The following GADL1 variants were observed in gnomAD, a reference collection of about 807,000 sequenced individuals.
GADL1 encodes the protein acidic amino acid decarboxylase GADL1.
A neutral mutation model predicts 69.5 loss-of-function variants in GADL1; 71 were observed. The ratio of observed to expected loss-of-function variants is 1.02; its 90% CI spans 0.84 to 1.25. The LOEUF is 1.25. GADL1 is among the 50% of genes most tolerant of loss of function. The pLI is 0.00. For synonymous variants in GADL1, 254 were observed against 214.4 expected (o/e 1.18, Z -1.62); for missense variants, 737 against 631.8 (o/e 1.17, Z -1.79).
chr3:30,829,188 T>A (rs1264033591), intron 11 of GADL1, among the ~76,000 whole-genome samples: 1 of 151,870 alleles, frequency 6.6e-6, no homozygotes, highest in East Asian at 1.9e-4. Context: ...AATCACAGGT[T>A]TTTTTTAAAA....
chr3:30,783,707 A>G (rs1189427972), intron 13 of GADL1, among the ~76,000 whole-genome samples: 1 of 152,142 alleles, frequency 6.6e-6, no homozygotes, highest in Non-Finnish European at 1.5e-5. Flanking sequence ...ATTCTGGAAA[A>G]CCATTTAGAA....
intron 11 of GADL1, among the ~76,000 whole-genome samples, chr3:30,811,710 TAAA>T (rs1697359160): frequency 6.6e-6 from 1 of 152,132 alleles, no homozygotes; most frequent in Non-Finnish European, 1.5e-5. Context: ...AGGAAAAAAA[TAAA>T]AAGCTGGCAT....
At chr3:30,754,860 A>AT (rs10687426) in intron 14 of GADL1, among the ~76,000 whole-genome samples, 37,169 of 151,812 alleles carry the variant, frequency 0.24, 4,986 homozygotes, top group Non-Finnish European at 0.29. Flanking sequence ...CAGGGCACTG[A>AT]TTTTTTTTCT....
At chr3:30,753,444 ATTT>A (rs936961255) in intron 14 of GADL1, among the ~76,000 whole-genome samples, 2 of 152,008 alleles carry the variant, frequency 1.3e-5, no homozygotes, top group African/African-American at 4.8e-5. Flanking sequence ...TTATTTTTTA[ATTT>A]TTAGGAAAAA....
At position 30,824,548 on chromosome 3, in the gene GADL1, A is replaced by G. The variant is rs760739152; in HGVS notation, c.1050+9305T>C. On this transcript the variant is annotated intron_variant, in intron 11 of 14. Coordinates refer to ENST00000282538, the MANE Select transcript of GADL1 (RefSeq NM_207359.3). ...AAAAGCCTTGAAATAAATGCCCGTC[A>G]ACAATAGAATGAATAAGGAAATTGT... is the stretch of plus-strand genomic sequence containing the variant. Among the ~76,000 whole-genome samples, 41 of 151,872 alleles carry G rather than the reference A, an allele frequency of 2.7e-4. 3 individuals carry two copies. In the South Asian group the frequency reaches 3.7e-3, roughly 14 times the overall value.
chr3:30,750,598 C>A (rs1695793672), intron 14 of GADL1, among the ~76,000 whole-genome samples: 1 of 151,990 alleles, frequency 6.6e-6, no homozygotes, highest in Non-Finnish European at 1.5e-5. Context: ...GATGCAAACG[C>A]CCACTGTATA....
chr3:30,870,568 T>C (rs1470819318), intron 1 of GADL1, among the ~76,000 whole-genome samples: 1 of 151,696 alleles, frequency 6.6e-6, no homozygotes, highest in Admixed American at 6.6e-5. Flanking sequence ...ATGAACTGGC[T>C]TACATTTATG....
intron 1 of GADL1, among the ~76,000 whole-genome samples, chr3:30,880,699 G>C (rs1438814810): frequency 6.6e-6 from 1 of 151,872 alleles, no homozygotes; most frequent in African/African-American, 2.4e-5. Context: ...AAGGAATTGA[G>C]CATCTTGTGG....
intron 11 of GADL1, among the ~76,000 whole-genome samples, chr3:30,832,901 C>G (rs1697815307): frequency 7.5e-6 from 1 of 133,040 alleles, no homozygotes; most frequent in South Asian, 2.5e-4. Context: ...AAAACCTGTT[C>G]CTAGTTTCTG....
intron 12 of GADL1, among the ~76,000 whole-genome samples, chr3:30,795,793 T>C (rs1697019634): frequency 6.6e-6 from 1 of 152,184 alleles, no homozygotes; most frequent in Non-Finnish European, 1.5e-5. Context: ...TTCCTTGGCA[T>C]TGGAGGTAGA....
chr3:30,787,265 C>A (rs1389439965), intron 12 of GADL1, among the ~76,000 whole-genome samples: 1 of 152,066 alleles, frequency 6.6e-6, no homozygotes, highest in Non-Finnish European at 1.5e-5. Context: ...TCTATAAAGT[C>A]ATTTTGAATG....
Position 30,800,853 on chromosome 3 carries a change from A to AC in GADL1, c.1250+35_1250+36insG, listed in dbSNP as rs746230379. On this transcript the variant is annotated intron_variant, in intron 12 of 14. Coordinates refer to ENST00000282538, the MANE Select transcript of GADL1 (RefSeq NM_207359.3). ...CACACACACACACACACACACACAG[A>AC]AAGAGAGAGAGAGAGAGAGAGAGAG... is the stretch of plus-strand genomic sequence containing the variant. The AC allele has an allele frequency of 5.0e-3, 6,391 of 1,276,106 alleles. 110 individuals carry two copies. The African/African-American group carries it at 0.071, about 14-fold the overall frequency. The allele number at this position is 1,276,106 out of a possible 1,614,324, so 79.0% of individuals were successfully genotyped here. A position where few individuals can be genotyped will look rare whatever the true frequency, so the allele number is the denominator to read the frequency against.
At chr3:30,846,497 C>G (rs1409959486) in intron 6 of GADL1, among the ~76,000 whole-genome samples, 1 of 151,752 alleles carries the variant, frequency 6.6e-6, no homozygotes, top group African/African-American at 2.4e-5. Context: ...CCCTGGACAC[C>G]TGGACTCCAG....
chr3:30,760,604 A>G (rs566596081), intron 14 of GADL1, among the ~76,000 whole-genome samples: 5 of 152,296 alleles, frequency 3.3e-5, no homozygotes, highest in South Asian at 2.1e-4. Flanking sequence ...TCCTCTCACC[A>G]TACCAGACTC....
chr3:30,890,881 T>C (rs11129428), intron 1 of GADL1, among the ~76,000 whole-genome samples: 24,443 of 152,206 alleles, frequency 0.16, 2,377 homozygotes, highest in Admixed American at 0.3. Context: ...CCATGCATTG[T>C]GCATATTATT....
At chr3:30,825,518 A>C (rs1477907185) in intron 11 of GADL1, among the ~76,000 whole-genome samples, 1 of 151,976 alleles carries the variant, frequency 6.6e-6, no homozygotes, top group East Asian at 1.9e-4. Context: ...TAGAATTATC[A>C]GGTATGTTTT....
intron 14 of GADL1, among the ~76,000 whole-genome samples, chr3:30,763,929 T>C (rs971663762): frequency 1.3e-5 from 2 of 152,118 alleles, no homozygotes; most frequent in African/African-American, 4.8e-5. Flanking sequence ...ATAAATTCTC[T>C]TGATAATAAA....
intron 12 of GADL1, among the ~76,000 whole-genome samples, chr3:30,788,457 G>A (rs536747107): frequency 2.0e-5 from 3 of 152,318 alleles, no homozygotes; most frequent in South Asian, 4.1e-4. Context: ...ACTTCAGTGA[G>A]TTGTAATCTT....
chr3:30,777,323 A>AT (rs1559496843), intron 14 of GADL1, among the ~76,000 whole-genome samples: 2 of 152,230 alleles, frequency 1.3e-5, no homozygotes, highest in African/African-American at 4.8e-5. Flanking sequence ...AACCAGGGTC[A>AT]TAAAGTCAGC....
Sources: allele counts gnomAD v4.1 joint callset (sites outside exome capture counted in the v4.1 genomes callset), GRCh38; gene constraint gnomAD v4.1.1; transcripts MANE v1.5; gene names NCBI Gene and HGNC (gene_info 2026-07-23, HGNC 2026-07-21).